SLC20A2: variants seen among roughly 807,000 people sequenced by gnomAD.
SLC20A2 encodes the protein solute carrier family 20 member 2, also known as sodium-dependent phosphate transporter 2.
A neutral mutation model predicts 61.0 loss-of-function variants in SLC20A2; 30 were observed. The observed-to-expected ratio is 0.49, with a 90% CI of 0.37 to 0.67. The LOEUF (loss-of-function observed/expected upper bound fraction) is 0.67, where lower values mean the gene tolerates loss of function less well. SLC20A2 is among the 30% of genes least tolerant of loss of function. The pLI, the probability that SLC20A2 is intolerant of heterozygous loss-of-function variation, is 0.00. For synonymous variants in SLC20A2, 351 were observed against 353.3 expected (o/e 0.99, Z 0.07); for missense variants, 626 against 866.4 (o/e 0.72, Z 3.48).
chr8:42,437,998 A>G lies in SLC20A2; in HGVS notation c.935-421T>C, dbSNP rs570131556. Among the ~76,000 whole-genome samples the G allele has an allele frequency of 2.2e-4, 32 of 147,602 alleles. No individual in the cohort carries two copies. The highest frequency in any genetic ancestry group is 6.4e-4 in the South Asian group (3 of 4,676). On this transcript the variant is annotated intron_variant, in intron 7 of 10. Transcript: ENST00000520262. This position sits in a 1 kb window ranked among gnomAD's most constrained non-coding sequence, Gnocchi z 6.4. ...AGAAGGCTGGGGATGACTTATTAAC[A>G]TATACTTTCTTTTCTAAGTTGGCCA...
At chr8:42,483,624 T>G (rs1481395124) in intron 1 of SLC20A2, among the ~76,000 whole-genome samples, 1 of 152,234 alleles carries the variant, frequency 6.6e-6, no homozygotes, top group East Asian at 1.9e-4. Context: ...ATTTTCTCCT[T>G]TCTTCCTTTC....
chr8:42,421,437 A>G (rs1257717420), intron 10 of SLC20A2, among the ~76,000 whole-genome samples: 1 of 152,190 alleles, frequency 6.6e-6, no homozygotes, highest in East Asian at 1.9e-4. Flanking sequence ...GCTATTGCTG[A>G]TGAACAAGTG....
At chr8:42,497,225 A>G (rs1328272658) in intron 1 of SLC20A2, among the ~76,000 whole-genome samples, 1 of 152,194 alleles carries the variant, frequency 6.6e-6, no homozygotes, top group Non-Finnish European at 1.5e-5. Context: ...AACACTGCAA[A>G]CAAATATAAT....
chr8:42,435,765 A>G (rs1478836097), intron 8 of SLC20A2, among the ~76,000 whole-genome samples: 1 of 152,176 alleles, frequency 6.6e-6, no homozygotes, highest in Non-Finnish European at 1.5e-5. Context: ...TGCATCGTGC[A>G]GTGGGGAGAA....
At chr8:42,448,547 TTAAGA>T (rs1719240993) in intron 5 of SLC20A2, among the ~76,000 whole-genome samples, 1 of 152,144 alleles carries the variant, frequency 6.6e-6, no homozygotes, top group African/African-American at 2.4e-5. Context: ...GTGCTTCGAC[TTAAGA>T]TAATATCACC....
At chr8:42,434,766 G>A (rs948964683) in intron 8 of SLC20A2, among the ~76,000 whole-genome samples, 2 of 152,170 alleles carry the variant, frequency 1.3e-5, no homozygotes, top group African/African-American at 4.8e-5. Context: ...CAAAGCCCCA[G>A]AATAGTCCCC....
At chr8:42,531,534 C>A (rs1812318692) in intron 1 of SLC20A2, among the ~76,000 whole-genome samples, 1 of 152,130 alleles carries the variant, frequency 6.6e-6, no homozygotes, top group Admixed American at 6.5e-5. Flanking sequence ...GCACCATATT[C>A]ATAGAATATA....
At chr8:42,537,882 T>G (rs1586300767) in intron 1 of SLC20A2, 1 of 152,184 alleles carries the variant, frequency 6.6e-6, no homozygotes, top group South Asian at 2.1e-4. Context: ...AAAGTAAAGC[T>G]CCCCAGAGAA....
chr8:42,541,044 A>C (rs1182526407), intron 1 of SLC20A2: 1 of 152,234 alleles, frequency 6.6e-6, no homozygotes, highest in African/African-American at 2.4e-5. Flanking sequence ...AGTACACGTG[A>C]ATATGAAAAG....
rs201993727 is a variant in SLC20A2 at position 42,437,297 on chromosome 8, C to T, written c.1215G>A (p.Ala405=). ...GLPVHATFRA[A]DSSAPEDSEK... ...CACTGTCCTCTGGGGCCGATGAGTC[C>T]GCAGCTCGAAAGGTGGCGTGCACTG... Residue 405 remains alanine (A), a synonymous_variant, in exon 8 of 11, where the codon GCG becomes GCA. Transcript: ENST00000520262. The surrounding 1 kb of genome is among the most constrained non-coding windows in gnomAD (Gnocchi z 6.4). The T allele has an allele frequency of 6.2e-6, 10 of 1,614,156 alleles. No individual in the cohort carries two copies. The East Asian group carries it at 8.9e-5, about 14-fold the overall frequency.
At chr8:42,452,716 AGAGGAGGAG>A (rs1366521909) in intron 5 of SLC20A2, among the ~76,000 whole-genome samples, 1 of 149,796 alleles carries the variant, frequency 6.7e-6, no homozygotes, top group Non-Finnish European at 1.5e-5. Context: ...GAAGAGATGA[AGAGGAGGAG>A]GAGGGGGAGG....
intron 1 of SLC20A2, among the ~76,000 whole-genome samples, chr8:42,518,674 A>G (rs1482559818): frequency 6.6e-6 from 1 of 152,240 alleles, no homozygotes; most frequent in Non-Finnish European, 1.5e-5. Flanking sequence ...TTAAGCTAGA[A>G]AAAGAGAAGA....
At chr8:42,420,486 T>C (rs1455096110) in intron 10 of SLC20A2, among the ~76,000 whole-genome samples, 1 of 152,192 alleles carries the variant, frequency 6.6e-6, no homozygotes, top group Non-Finnish European at 1.5e-5. Context: ...AAGAATATTT[T>C]TAAAATATTA....
intron 1 of SLC20A2, among the ~76,000 whole-genome samples, chr8:42,529,116 A>G (rs1812171412): frequency 6.6e-6 from 1 of 152,026 alleles, no homozygotes; most frequent in African/African-American, 2.4e-5. Flanking sequence ...ATGGGACTAC[A>G]GGCACATGCC....
At chr8:42,456,371 G>A (rs756489203) in intron 5 of SLC20A2, among the ~76,000 whole-genome samples, 1 of 152,144 alleles carries the variant, frequency 6.6e-6, no homozygotes, top group Non-Finnish European at 1.5e-5. Context: ...CAGCAACCTG[G>A]GAGGCGTCTG....
At chr8:42,441,507 T>C (rs1271923193) in intron 6 of SLC20A2, among the ~76,000 whole-genome samples, 1 of 150,426 alleles carries the variant, frequency 6.6e-6, no homozygotes, top group Non-Finnish European at 1.5e-5. Flanking sequence ...TCTTACTCTG[T>C]TACCAGACTG....
At chr8:42,428,295 C>T (rs1457974136) in intron 10 of SLC20A2, among the ~76,000 whole-genome samples, 3 of 152,248 alleles carry the variant, frequency 2.0e-5, no homozygotes, top group Non-Finnish European at 4.4e-5. Context: ...GCAATATAGT[C>T]ACTTTGAACA....
Position 42,472,040 on chromosome 8 carries a change from G to A in SLC20A2, c.289+62C>T. 2 of 1,474,390 alleles carry A rather than the reference G, an allele frequency of 1.4e-6. No individual in the cohort carries two copies. The highest frequency in any genetic ancestry group is 1.9e-6 in the Non-Finnish European group (2 of 1,064,136). 91.3% of individuals were successfully genotyped at this position (1,474,390 alleles called of 1,614,324 possible). ...AATCACATTTATGGATATGGGCAAA[G>A]TACTGCAGGGAAGCGGGTCAGTGGG... On this transcript the variant is annotated intron_variant, in intron 2 of 10. Coordinates refer to ENST00000520262, the MANE Select transcript of SLC20A2 (RefSeq NM_001257180.2). The surrounding 1 kb of genome is among the most constrained non-coding windows in gnomAD (Gnocchi z 4.1).
intron 5 of SLC20A2, among the ~76,000 whole-genome samples, chr8:42,452,183 T>TGG (rs1450728991): frequency 1.8e-5 from 1 of 56,984 alleles, no homozygotes; most frequent in Admixed American, 2.3e-4. Flanking sequence ...GAGGAAGAGA[T>TGG]AGGAGGAGGA....
Sources: allele counts gnomAD v4.1 joint callset (sites outside exome capture counted in the v4.1 genomes callset), GRCh38; gene constraint gnomAD v4.1.1; non-coding constraint Gnocchi (gnomAD v3.1); transcripts MANE v1.5; gene names NCBI Gene and HGNC (gene_info 2026-07-23, HGNC 2026-07-21).